Variants in IL1RAPL2 observed in about 807,000 individuals in gnomAD.
IL1RAPL2 encodes X-linked interleukin-1 receptor accessory protein-like 2.
Under a neutral mutation model 44.1 loss-of-function variants are expected in IL1RAPL2, and 3 were observed. That is an observed-to-expected ratio of 0.07 (90% CI 0.03 to 0.18). The LOEUF is 0.18. IL1RAPL2 is among the 10% of genes least tolerant of loss of function. IL1RAPL2 has a pLI of 1.00. For synonymous variants in IL1RAPL2, 181 were observed against 178.8 expected (o/e 1.01, Z -0.10); for missense variants, 391 against 496.4 (o/e 0.79, Z 2.02).
chrX:105,365,911 G>A (rs2035290442), intron 5 of IL1RAPL2, among the ~76,000 whole-genome samples: 1 of 109,438 alleles, frequency 9.1e-6, no homozygotes, highest in African/African-American at 3.3e-5. Context: ...TGAGTAGCTG[G>A]GACTACAGGT....
At chrX:105,277,888 T>C (rs2034498828) in intron 5 of IL1RAPL2, among the ~76,000 whole-genome samples, 1 of 111,013 alleles carries the variant, frequency 9.0e-6, no homozygotes, top group South Asian at 3.9e-4. Context: ...ATAGAGTGAC[T>C]TTTTTCCTTC....
intron 2 of IL1RAPL2, among the ~76,000 whole-genome samples, chrX:105,094,883 C>T (rs774990226): frequency 7.2e-5 from 8 of 111,233 alleles, no homozygotes; most frequent in African/African-American, 2.6e-4. Context: ...ACTTAGTGTG[C>T]AGGTCTTGCA....
chrX:104,582,628 CTTTCTTTCTT>C (rs1928392439), intron 1 of IL1RAPL2, among the ~76,000 whole-genome samples: 1 of 63,186 alleles, frequency 1.6e-5, no homozygotes, highest in African/African-American at 8.5e-5. Flanking sequence ...TTCTTTCTTT[CTTTCTTTCTT>C]TCTCTCTTTC....
At chrX:104,969,766 T>G (rs906507602) in intron 2 of IL1RAPL2, among the ~76,000 whole-genome samples, 11 of 111,603 alleles carry the variant, frequency 9.9e-5, no homozygotes, top group Non-Finnish European at 1.9e-4. Context: ...CAGGAAAAGT[T>G]GTTTAATTTG....
At chrX:105,035,644 A>G (rs149169203) in intron 2 of IL1RAPL2, among the ~76,000 whole-genome samples, 1 of 112,424 alleles carries the variant, frequency 8.9e-6, no homozygotes, top group Non-Finnish European at 1.9e-5. Flanking sequence ...CCATGGAACT[A>G]ATGTTCATTA....
At chrX:105,071,838 AC>A (rs2032210815) in intron 2 of IL1RAPL2, among the ~76,000 whole-genome samples, 1 of 111,889 alleles carries the variant, frequency 8.9e-6, no homozygotes, top group South Asian at 3.7e-4. Flanking sequence ...GTGAAATTAG[AC>A]TCTCACATCA....
rs749113175 is a variant in IL1RAPL2, at chrX:105,748,846, G to A, written c.1049-114G>A. ...AGAGCAAAGCTACTGCATTAAGCAA[G>A]AATTTTCTGGAAAGGAAAACAGAAT... On this transcript the variant is annotated intron_variant, in intron 8 of 10. Transcript: ENST00000372582. The A allele has an allele frequency of 4.1e-6, 3 of 729,558 alleles. No individual in the cohort carries two copies. In the African/African-American group the frequency reaches 6.4e-5, roughly 16 times the overall value. The allele number at this position is 729,558 out of a possible 1,213,427, so 60.1% of individuals were successfully genotyped here. A position where few individuals can be genotyped will look rare whatever the true frequency, so the allele number is the denominator to read the frequency against.
chrX:105,657,559 A>T (rs2037684994), intron 6 of IL1RAPL2, among the ~76,000 whole-genome samples: 1 of 111,839 alleles, frequency 8.9e-6, no homozygotes, highest in Non-Finnish European at 1.9e-5. Flanking sequence ...TCTATCTCCC[A>T]CTAGAGAGTT....
chrX:105,458,019 G>A (rs1466004253), intron 5 of IL1RAPL2, among the ~76,000 whole-genome samples: 1 of 111,109 alleles, frequency 9.0e-6, no homozygotes, highest in Non-Finnish European at 1.9e-5. Flanking sequence ...CCAATCTAAT[G>A]GGTATGAAGT....
intron 2 of IL1RAPL2, among the ~76,000 whole-genome samples, chrX:104,841,893 TTGG>T (rs1405613177): frequency 9.1e-6 from 1 of 110,410 alleles, no homozygotes; most frequent in Non-Finnish European, 1.9e-5. Context: ...CATGAGTATC[TTGG>T]TGGTGTTCTC....
In IL1RAPL2 at chrX:105,264,265, G is replaced by A. The variant is rs1032057554; in HGVS notation, c.544-3123G>A. On this transcript the variant is annotated intron_variant, in intron 4 of 10. Transcript: ENST00000372582. ...CTCTCTCCTGCCACCCTGTGAAGAG[G>A]TGCCTTCCTCCATGATTGTAAGTTT... is the stretch of plus-strand genomic sequence containing the variant. 2.7e-5 allele frequency among the ~76,000 whole-genome samples: 3 copies of A among 111,073 alleles called. No homozygotes were observed. In the East Asian group the frequency reaches 8.6e-4, roughly 32 times the overall value.
chrX:105,691,830 A>G (rs751112188), intron 6 of IL1RAPL2, among the ~76,000 whole-genome samples: 6 of 110,479 alleles, frequency 5.4e-5, no homozygotes, highest in Non-Finnish European at 1.1e-4. Flanking sequence ...AACAAAACTG[A>G]TTTTTTTTTA....
intron 5 of IL1RAPL2, among the ~76,000 whole-genome samples, chrX:105,291,882 TC>T (rs2034615657): frequency 9.0e-6 from 1 of 111,438 alleles, no homozygotes; most frequent in South Asian, 3.8e-4. Flanking sequence ...TGGATTTTTT[TC>T]AACCAAACAT....
intron 2 of IL1RAPL2, among the ~76,000 whole-genome samples, chrX:105,030,521 G>T (rs1696682868): frequency 9.0e-6 from 1 of 111,672 alleles, no homozygotes; most frequent in Non-Finnish European, 1.9e-5. Flanking sequence ...CCCATTTCTT[G>T]TTTTTGTCAG....
intron 2 of IL1RAPL2, among the ~76,000 whole-genome samples, chrX:104,793,384 C>A (rs1343410): frequency 0.43 from 47,370 of 110,236 alleles, 7,357 homozygotes; most frequent in East Asian, 0.46. Context: ...CCTGGAACAC[C>A]ATATATGTTT....
At chrX:104,929,505 T>C (rs974011704) in intron 2 of IL1RAPL2, among the ~76,000 whole-genome samples, 1 of 111,881 alleles carries the variant, frequency 8.9e-6, no homozygotes, top group South Asian at 3.7e-4. Flanking sequence ...AGAATTCCAC[T>C]GTCTTACCTC....
chrX:105,424,785 T>TA (rs902985393), intron 5 of IL1RAPL2, among the ~76,000 whole-genome samples: 66 of 107,305 alleles, frequency 6.2e-4, no homozygotes, highest in African/African-American at 1.9e-3. Flanking sequence ...AAATAAAAAT[T>TA]AAAAAAAAAC....
chrX:104,593,786 A>G (rs1928712155), intron 1 of IL1RAPL2, among the ~76,000 whole-genome samples: 1 of 111,645 alleles, frequency 9.0e-6, no homozygotes, highest in Non-Finnish European at 1.9e-5. Flanking sequence ...GTGTTATTCC[A>G]CCTGCGTGGA....
At chrX:104,883,573 A>G (rs928532907) in intron 2 of IL1RAPL2, among the ~76,000 whole-genome samples, 2 of 111,362 alleles carry the variant, frequency 1.8e-5, no homozygotes, top group Non-Finnish European at 3.8e-5. Context: ...CTTGGGTCCT[A>G]ATGCCTGCCA....
Sources: gnomAD v4.1 joint callset for allele counts (sites outside exome capture counted in the v4.1 genomes callset) on GRCh38, gnomAD v4.1.1 for gene constraint, MANE v1.5 for transcripts, NCBI Gene and HGNC (gene_info 2026-07-23, HGNC 2026-07-21) for gene names.